Variants in ERG observed in about 807,000 individuals in gnomAD.
The protein encoded by ERG is ETS transcription factor ERG.
A neutral mutation model predicts 55.3 loss-of-function variants in ERG; 9 were observed. The observed-to-expected ratio is 0.16, with a 90% CI of 0.10 to 0.28. ERG has a LOEUF of 0.28. ERG is among the 10% of genes least tolerant of loss of function. The pLI, the probability that ERG is intolerant of heterozygous loss-of-function variation, is 1.00. For missense variants in ERG, 434 were observed against 631.6 expected, an observed-to-expected ratio of 0.69 and a Z score of 3.35; for synonymous variants, 223 against 237.3, an observed-to-expected ratio of 0.94 and a Z score of 0.55.
intron 1 of ERG, among the ~76,000 whole-genome samples, chr21:38,487,505 G>C (rs2059297472): frequency 6.6e-6 from 1 of 152,174 alleles, no homozygotes; most frequent in Admixed American, 6.5e-5. Context: ...GATTTTCAGA[G>C]AGGATGCCAA....
At chr21:38,608,896 A>G (rs959531431) in intron 1 of ERG, among the ~76,000 whole-genome samples, 1 of 152,222 alleles carries the variant, frequency 6.6e-6, no homozygotes, top group African/African-American at 2.4e-5. Context: ...TTAAAATTGC[A>G]TATATTTATT....
At position 38,498,300 on chromosome 21, in the gene ERG, G is replaced by T. The variant is rs2059396253; in HGVS notation, c.18+63C>A. On this transcript the variant is annotated intron_variant, in intron 1 of 9. Transcript: ENST00000288319. This position sits in a 1 kb window ranked among gnomAD's most constrained non-coding sequence, Gnocchi z 4.6. ...CCCTAACTTATCTGCCTTGATAAAG[G>T]AAACCAAAGAAAAGAGTAACAAGAA... 8.9e-6 allele frequency: 13 copies of T among 1,460,718 alleles called. No homozygotes were observed. Among genetic ancestry groups the T allele is most frequent in the Non-Finnish European group, 1.2e-5 (13 of 1,044,884 alleles). The allele number at this position is 1,460,718 out of a possible 1,614,324, so 90.5% of individuals were successfully genotyped here. A position where few individuals can be genotyped will look rare whatever the true frequency, so the allele number is the denominator to read the frequency against.
chr21:38,381,977 T>A lies in ERG; in HGVS notation c.*1426A>T. The A allele has an allele frequency of 1.9e-6, 2 of 1,061,912 alleles. No homozygotes were observed. Among genetic ancestry groups the A allele is most frequent in the Non-Finnish European group, 2.3e-6 (2 of 876,944 alleles). The allele number at this position is 1,061,912 out of a possible 1,614,324, so 65.8% of individuals were successfully genotyped here. On this transcript the variant is annotated 3_prime_UTR_variant, in exon 10 of 10. Transcript: ENST00000288319. ...CCACAACATTCAGCACATGTTTTCA[T>A]TAAGCAACTTTAGTCACTAAAAAAA...
chr21:38,592,561 T>C (rs943655169), intron 1 of ERG, among the ~76,000 whole-genome samples: 1 of 131,400 alleles, frequency 7.6e-6, no homozygotes, highest in African/African-American at 2.9e-5. Context: ...CTTATTGTCA[T>C]CTCCCTTCAC....
intron 6 of ERG, chr21:38,400,252 C>T (rs1226398963): frequency 2.6e-5 from 12 of 463,574 alleles, no homozygotes; most frequent in African/African-American, 9.7e-5. Context: ...GCTCTTCCCC[C>T]GAGGAGGGAC....
chr21:38,460,622 G>C lies in ERG; in HGVS notation c.19-15001C>G, dbSNP rs2059033082. Among the ~76,000 whole-genome samples the C allele has an allele frequency of 6.6e-6, 1 of 152,112 alleles. No homozygotes were observed. Among genetic ancestry groups the C allele is most frequent in the African/African-American group, 2.4e-5 (1 of 41,418 alleles). ...TGTACTTTTCATTCAGAGTCTGCAAGGGGTCACGGCCATTTTGAAAGGCTT... is the reference window on the plus strand; with the variant it reads ...TGTACTTTTCATTCAGAGTCTGCAACGGGTCACGGCCATTTTGAAAGGCTT... On this transcript the variant is annotated intron_variant, in intron 1 of 9. Transcript: ENST00000288319. This position sits in a 1 kb window ranked among gnomAD's most constrained non-coding sequence, Gnocchi z 5.0.
intron 1 of ERG, among the ~76,000 whole-genome samples, chr21:38,481,835 C>A (rs867873461): frequency 3.3e-4 from 50 of 152,082 alleles, no homozygotes; most frequent in African/African-American, 1.2e-3. Context: ...ACTGTAGTAA[C>A]AAAAGAAGAA....
chr21:38,517,398 A>G (rs2059560177), intron 2 of ERG, among the ~76,000 whole-genome samples: 1 of 152,148 alleles, frequency 6.6e-6, no homozygotes, highest in South Asian at 2.1e-4. Flanking sequence ...GCAAATCAAA[A>G]CCACAATGAG....
Position 38,605,905 on chromosome 21 carries a change from A to AGATAGAT in ERG, c.-149-20967_-149-20961dup, listed in dbSNP as rs1555873621. On this transcript the variant is annotated intron_variant, in intron 1 of 10. Transcript: ENST00000398910. The stretch of plus-strand genomic sequence containing the variant: ...GATAGATAGATAATAGATAAATAAT[A>AGATAGAT]GATAGATAGATAGGAGATAGGTACG... Among the ~76,000 whole-genome samples, 123 of 151,240 alleles carry AGATAGAT rather than the reference A, an allele frequency of 8.1e-4. 1 individual carries two copies. Among genetic ancestry groups the AGATAGAT allele is most frequent in the African/African-American group, 2.8e-3 (116 of 40,762 alleles).
At chr21:38,562,109 C>T (rs2059896457) in intron 2 of ERG, among the ~76,000 whole-genome samples, 1 of 152,096 alleles carries the variant, frequency 6.6e-6, no homozygotes, top group South Asian at 2.1e-4. Flanking sequence ...TTATTTAGAA[C>T]GAAACCAACG....
At chr21:38,367,487 C>T in the ERG span, 2 of 390,670 alleles carry the variant, frequency 5.1e-6, no homozygotes, top group Non-Finnish European at 9.8e-6. Context: ...ATCCCATACA[C>T]TTCTCTGTAG....
intron 2 of ERG, among the ~76,000 whole-genome samples, chr21:38,436,715 G>A (rs1601399973): frequency 6.6e-6 from 1 of 152,118 alleles, no homozygotes; most frequent in East Asian, 1.9e-4. Flanking sequence ...TAGAAATATG[G>A]GTTAATATTA....
intron 1 of ERG, among the ~76,000 whole-genome samples, chr21:38,623,314 A>G (rs1468740669): frequency 8.9e-6 from 1 of 112,982 alleles, no homozygotes; most frequent in African/African-American, 3.4e-5. Flanking sequence ...CACACACCAC[A>G]TACGCACCAC....
chr21:38,492,399 A>G (rs1296365491), intron 1 of ERG, among the ~76,000 whole-genome samples: 1 of 152,234 alleles, frequency 6.6e-6, no homozygotes, highest in East Asian at 1.9e-4. Context: ...ACGTTATTTT[A>G]CTAGGAGAAA....
At chr21:38,623,746 C>T (rs2060307619) in intron 1 of ERG, among the ~76,000 whole-genome samples, 1 of 152,164 alleles carries the variant, frequency 6.6e-6, no homozygotes, top group Non-Finnish European at 1.5e-5. Flanking sequence ...AGGTTGCCAC[C>T]AGCCCAGCAG....
At chr21:38,535,994 C>T (rs544122171) in intron 2 of ERG, among the ~76,000 whole-genome samples, 6 of 152,210 alleles carry the variant, frequency 3.9e-5, no homozygotes, top group African/African-American at 9.6e-5. Context: ...CTTTACCCTG[C>T]CTAAGCAACC....
intron 3 of ERG, among the ~76,000 whole-genome samples, chr21:38,420,150 A>C (rs771762593): frequency 6.6e-6 from 1 of 152,092 alleles, no homozygotes; most frequent in Non-Finnish European, 1.5e-5. Flanking sequence ...TTTTGCACAC[A>C]TGGGGTACTC....
intron 1 of ERG, among the ~76,000 whole-genome samples, chr21:38,469,749 T>C (rs974388924): frequency 5.3e-5 from 8 of 152,258 alleles, no homozygotes; most frequent in Non-Finnish European, 1.0e-4. Flanking sequence ...CACAGGTTTA[T>C]TGTCTATGTT....
intron 3 of ERG, among the ~76,000 whole-genome samples, chr21:38,419,205 C>T (rs1569082661): frequency 1.3e-5 from 2 of 152,152 alleles, no homozygotes; most frequent in Admixed American, 6.5e-5. Context: ...CTAACCAGTA[C>T]CCTTTGGGAA....
Sources: allele counts gnomAD v4.1 joint callset (sites outside exome capture counted in the v4.1 genomes callset), GRCh38; gene constraint gnomAD v4.1.1; non-coding constraint Gnocchi (gnomAD v3.1); transcripts MANE v1.5; gene names NCBI Gene and HGNC (gene_info 2026-07-23, HGNC 2026-07-21).